NKAIN2: variants seen among roughly 807,000 people sequenced by gnomAD.
NKAIN2 encodes sodium/potassium-transporting ATPase subunit beta-1-interacting protein 2.
NKAIN2 carries 14 observed loss-of-function variants against 32.6 expected under a neutral mutation model. The observed-to-expected ratio is 0.43, with a 90% CI of 0.28 to 0.67. The LOEUF is 0.67. Ranked by LOEUF, NKAIN2 falls within the 30% of genes least tolerant of loss-of-function variation. NKAIN2 has a pLI of 0.17. For synonymous variants in NKAIN2, 80 were observed against 87.2 expected (o/e 0.92, Z 0.46); for missense variants, 198 against 258.3 (o/e 0.77, Z 1.60).
intron 3 of NKAIN2, among the ~76,000 whole-genome samples, chr6:124,412,186 T>C (rs1356639368): frequency 1.3e-5 from 2 of 152,218 alleles, no homozygotes; most frequent in Non-Finnish European, 2.9e-5. Context: ...CTCCTCAAAG[T>C]CAGTCTCCGT....
chr6:124,088,557 T>C (rs1008304684), intron 1 of NKAIN2, among the ~76,000 whole-genome samples: 1 of 152,054 alleles, frequency 6.6e-6, no homozygotes, highest in Non-Finnish European at 1.5e-5. Context: ...CCTAAAAGAA[T>C]TATTTAGTTT....
At chr6:124,306,031 C>G (rs1456780740) in intron 2 of NKAIN2, among the ~76,000 whole-genome samples, 11 of 152,174 alleles carry the variant, frequency 7.2e-5, no homozygotes, top group African/African-American at 2.7e-4. Context: ...CCCTCACCCT[C>G]ACCTCTCCAC....
chr6:124,338,364 A>G (rs775649013), intron 2 of NKAIN2, among the ~76,000 whole-genome samples: 19 of 152,196 alleles, frequency 1.2e-4, no homozygotes, highest in Non-Finnish European at 1.8e-4. Flanking sequence ...ATGATAGGTG[A>G]TAAGTGTAGA....
intron 1 of NKAIN2, among the ~76,000 whole-genome samples, chr6:123,843,821 T>C (rs1379591457): frequency 6.6e-6 from 1 of 152,012 alleles, no homozygotes; most frequent in African/African-American, 2.4e-5. Flanking sequence ...GAACAAAGGT[T>C]GTCTTATGAT....
At chr6:124,105,311 C>A (rs1308107274) in intron 1 of NKAIN2, among the ~76,000 whole-genome samples, 2 of 152,102 alleles carry the variant, frequency 1.3e-5, no homozygotes, top group Non-Finnish European at 2.9e-5. Context: ...TGGAGATCTG[C>A]ACGTCAGTGG....
chr6:124,019,235 G>A (rs892529098), intron 1 of NKAIN2, among the ~76,000 whole-genome samples: 12 of 152,070 alleles, frequency 7.9e-5, no homozygotes, highest in Non-Finnish European at 1.0e-4. Flanking sequence ...GGGTGGGGAC[G>A]AAACCAAACT....
intron 3 of NKAIN2, among the ~76,000 whole-genome samples, chr6:124,425,144 G>T (rs1774926729): frequency 6.6e-6 from 1 of 152,134 alleles, no homozygotes; most frequent in South Asian, 2.1e-4. Flanking sequence ...CAAGGGAGAA[G>T]ACAGTTTTAA....
chr6:123,967,567 G>A (rs1053383355), intron 1 of NKAIN2, among the ~76,000 whole-genome samples: 2 of 152,160 alleles, frequency 1.3e-5, no homozygotes, highest in Non-Finnish European at 2.9e-5. Flanking sequence ...CAGAACTGGT[G>A]CTAGAAGAAT....
intron 3 of NKAIN2, among the ~76,000 whole-genome samples, chr6:124,374,430 A>G (rs996948319): frequency 6.6e-6 from 1 of 152,170 alleles, no homozygotes; most frequent in African/African-American, 2.4e-5. Context: ...AGTGTTACCT[A>G]TGACCTATGA....
rs554842896 is a variant in NKAIN2, at chr6:123,973,836, CA to C, written c.54+169584del. On this transcript the variant is annotated intron_variant, in intron 1 of 6. Coordinates refer to ENST00000368417, the MANE Select transcript of NKAIN2 (RefSeq NM_001040214.3). ...AGGATAGAACTTTTCTGATATAGCT[CA>C]ATGTTGTGATAAATACATGCTCTGA... 1.1e-4 allele frequency among the ~76,000 whole-genome samples: 16 copies of C among 152,006 alleles called. No individual in the cohort carries two copies. The East Asian group carries it at 2.7e-3, about 26-fold the overall frequency.
Position 124,299,909 on chromosome 6 carries a change from G to A in NKAIN2, c.192+16767G>A, listed in dbSNP as rs186763437. ...TTCACATTTCTTTCCCAGTATGTGC[G>A]ATGTTTCACATTATTTCACATGGTA... On this transcript the variant is annotated intron_variant, in intron 2 of 6. Coordinates refer to ENST00000368417, the MANE Select transcript of NKAIN2 (RefSeq NM_001040214.3). Among the ~76,000 whole-genome samples, 420 of 152,240 alleles carry A rather than the reference G, an allele frequency of 2.8e-3. 2 individuals are homozygous for A. The highest frequency in any genetic ancestry group is 9.5e-3 in the African/African-American group (396 of 41,532).
At chr6:124,278,232 C>A (rs1319866141) in intron 1 of NKAIN2, among the ~76,000 whole-genome samples, 1 of 152,104 alleles carries the variant, frequency 6.6e-6, no homozygotes, top group Non-Finnish European at 1.5e-5. Flanking sequence ...TTTTGCCTTG[C>A]AAACATTTGA....
intron 1 of NKAIN2, among the ~76,000 whole-genome samples, chr6:124,259,247 TA>T (rs1332780447): frequency 6.6e-6 from 1 of 152,130 alleles, no homozygotes; most frequent in Non-Finnish European, 1.5e-5. Context: ...ATTGGAGGTT[TA>T]TATGGTGGGG....
intron 1 of NKAIN2, among the ~76,000 whole-genome samples, chr6:123,901,289 A>T (rs554475053): frequency 3.3e-5 from 5 of 151,988 alleles, no homozygotes; most frequent in Non-Finnish European, 7.4e-5. Context: ...GTTTGTTGTT[A>T]TTCTTGTTTT....
At chr6:124,406,223 C>T (rs1773854852) in intron 3 of NKAIN2, among the ~76,000 whole-genome samples, 1 of 152,106 alleles carries the variant, frequency 6.6e-6, no homozygotes, top group South Asian at 2.1e-4. Context: ...TAATCCTTCA[C>T]TTCTGTCCTC....
At chr6:124,007,393 A>G (rs1185759140) in intron 1 of NKAIN2, among the ~76,000 whole-genome samples, 1 of 152,184 alleles carries the variant, frequency 6.6e-6, no homozygotes, top group African/African-American at 2.4e-5. Flanking sequence ...TGAGATTGCC[A>G]CCAATGAGTG....
chr6:124,368,745 A>C (rs1248071471), intron 3 of NKAIN2, among the ~76,000 whole-genome samples: 1 of 152,152 alleles, frequency 6.6e-6, no homozygotes, highest in East Asian at 1.9e-4. Context: ...CAATTACTGC[A>C]ACTTCTTACT....
At chr6:124,134,472 T>C (rs1786633786) in intron 1 of NKAIN2, among the ~76,000 whole-genome samples, 1 of 152,128 alleles carries the variant, frequency 6.6e-6, no homozygotes, top group Non-Finnish European at 1.5e-5. Context: ...GATCACATGC[T>C]CAGGAGTTCA....
intron 3 of NKAIN2, among the ~76,000 whole-genome samples, chr6:124,445,957 TAAAC>T (rs1029057390): frequency 1.1e-4 from 16 of 152,186 alleles, no homozygotes; most frequent in South Asian, 4.1e-4. Flanking sequence ...AAAATCAAAA[TAAAC>T]AAAGTCATTT....
Sources: allele counts gnomAD v4.1 joint callset (sites outside exome capture counted in the v4.1 genomes callset), GRCh38; gene constraint gnomAD v4.1.1; transcripts MANE v1.5; gene names NCBI Gene and HGNC (gene_info 2026-07-23, HGNC 2026-07-21).